The following ZNF354B variants were observed in gnomAD, a reference collection of about 807,000 sequenced individuals.
ZNF354B encodes zinc finger protein 354B.
ZNF354B carries 10 observed loss-of-function variants against 12.9 expected under a neutral mutation model. That is an observed-to-expected ratio of 0.77 (90% CI 0.48 to 1.31). ZNF354B has a LOEUF of 1.31. Among genes scored for constraint, ZNF354B ranks in the 40% most tolerant of loss-of-function variants. The pLI is 0.00. For missense variants in ZNF354B, 614 were observed against 711.7 expected (o/e 0.86, Z 1.56); for synonymous variants, 260 against 243.7 (o/e 1.07, Z -0.62).
In ZNF354B at chr5:178,861,037, A is replaced by G; in HGVS notation, c.-11A>G. On this transcript the variant is annotated 5_prime_UTR_variant, in exon 2 of 5. Transcript: ENST00000322434. ...ACTGCGCCGTCCTCCCGGGAGAGCCAGAAAGAGGACATGGCTGCTGGGCAG... is the reference window on the plus strand; with the variant it reads ...ACTGCGCCGTCCTCCCGGGAGAGCCGGAAAGAGGACATGGCTGCTGGGCAG... 2.7e-6 allele frequency: 3 copies of G among 1,117,306 alleles called. No individual in the cohort carries two copies. The highest frequency in any genetic ancestry group is 3.9e-6 in the Non-Finnish European group (3 of 765,150). The allele number at this position is 1,117,306 out of a possible 1,614,324, so 69.2% of individuals were successfully genotyped here.
In ZNF354B at chr5:178,866,083, A is replaced by G. The variant is rs140710037; in HGVS notation, c.34-161A>G. Among the ~76,000 whole-genome samples, 1,392 of 152,340 alleles carry G rather than the reference A, an allele frequency of 9.1e-3. 9 individuals are homozygous for G. Among genetic ancestry groups the G allele is most frequent in the Non-Finnish European group, 0.012 (843 of 68,036 alleles). ...AATCTCACTGTGTGCTGCTCAGTAT[A>G]CATTTGTTACTGGCCAATTATTCAT... On this transcript the variant is annotated intron_variant, in intron 2 of 4. Transcript: ENST00000322434.
intron 4 of ZNF354B, among the ~76,000 whole-genome samples, chr5:178,873,838 TGTGTTTA>T (rs1469625687): frequency 1.3e-5 from 2 of 152,234 alleles, no homozygotes; most frequent in Non-Finnish European, 2.9e-5. Context: ...ATCAATTTTC[TGTGTTTA>T]GTCTTCCAAT....
At chr5:178,874,212 C>T (rs1018032515) in intron 4 of ZNF354B, among the ~76,000 whole-genome samples, 7 of 152,182 alleles carry the variant, frequency 4.6e-5, no homozygotes, top group African/African-American at 1.7e-4. Context: ...CTGCCTCGAC[C>T]TTTCAGATTG....
At chr5:178,873,932 A>G (rs751107245) in intron 4 of ZNF354B, among the ~76,000 whole-genome samples, 1 of 147,538 alleles carries the variant, frequency 6.8e-6, no homozygotes, top group African/African-American at 2.5e-5. Flanking sequence ...TTTTCATCAT[A>G]TGAGTCCTCT....
intron 4 of ZNF354B, among the ~76,000 whole-genome samples, chr5:178,879,632 G>A (rs10059708): frequency 0.18 from 27,625 of 152,036 alleles, 2,789 homozygotes; most frequent in Non-Finnish European, 0.24. Context: ...GCCCGTCTCA[G>A]CCTCCCAAAG....
At chr5:178,864,009 A>G (rs1757405810) in intron 2 of ZNF354B, among the ~76,000 whole-genome samples, 1 of 152,232 alleles carries the variant, frequency 6.6e-6, no homozygotes, top group African/African-American at 2.4e-5. Context: ...AAAAAATTAA[A>G]AAGTTTAGAA....
At chr5:178,863,248 A>G (rs1261479097) in intron 2 of ZNF354B, among the ~76,000 whole-genome samples, 4 of 152,182 alleles carry the variant, frequency 2.6e-5, no homozygotes, top group Non-Finnish European at 5.9e-5. Context: ...ATACATATGT[A>G]TATGTGTGTG....
intron 2 of ZNF354B, among the ~76,000 whole-genome samples, chr5:178,862,117 C>A (rs2114004444): frequency 6.6e-6 from 1 of 152,286 alleles, no homozygotes; most frequent in Admixed American, 6.5e-5. Context: ...GAGTGTCTAG[C>A]ATACCAGGGA....
intron 2 of ZNF354B, among the ~76,000 whole-genome samples, chr5:178,861,535 C>G (rs957526614): frequency 6.6e-6 from 1 of 152,162 alleles, no homozygotes; most frequent in African/African-American, 2.4e-5. Flanking sequence ...GAATCATATT[C>G]TTTGCTTGTA....
At chr5:178,881,926 T>C (rs1394565324) in intron 4 of ZNF354B, among the ~76,000 whole-genome samples, 1 of 152,262 alleles carries the variant, frequency 6.6e-6, no homozygotes, top group African/African-American at 2.4e-5. Context: ...TTCTCTTTAC[T>C]CATATCTAAT....
Position 178,883,222 on chromosome 5 carries a change from T to C in ZNF354B, c.770T>C (p.Leu257Pro), listed in dbSNP as rs1757746705. 1 of 1,612,286 alleles carries C rather than the reference T, an allele frequency of 6.2e-7. No homozygotes were observed. Among genetic ancestry groups the C allele is most frequent in the Admixed American group, 1.7e-5 (1 of 59,658 alleles). ...AAAGCTTTCAGCCAAAGTTCTGCTCTTATTCAACATCAAAGAACTCATACA... is the reference window on the plus strand; with the variant it reads ...AAAGCTTTCAGCCAAAGTTCTGCTCCTATTCAACATCAAAGAACTCATACA... ...CLKAFSQSSALIQHQRTHTGE... is the reference protein window; with the variant it reads ...CLKAFSQSSAPIQHQRTHTGE... The change falls in exon 5 of 5, where the codon CTT becomes CCT. Residue 257 changes from leucine to proline, a missense_variant. Coordinates refer to ENST00000322434, the MANE Select transcript of ZNF354B (RefSeq NM_058230.3).
chr5:178,862,661 CCTG>C (rs1757378930), intron 2 of ZNF354B, among the ~76,000 whole-genome samples: 1 of 152,218 alleles, frequency 6.6e-6, no homozygotes. Flanking sequence ...AGCCGCCGCG[CCTG>C]GCGGCGTTAT....
At chr5:178,867,995 A>G (rs1757490666) in intron 4 of ZNF354B, among the ~76,000 whole-genome samples, 1 of 152,226 alleles carries the variant, frequency 6.6e-6, no homozygotes, top group African/African-American at 2.4e-5. Flanking sequence ...AATTGCAATC[A>G]TGGAGGGAGG....
chr5:178,882,304 G>A (rs6878353), intron 4 of ZNF354B, among the ~76,000 whole-genome samples: 22,567 of 152,134 alleles, frequency 0.15, 2,051 homozygotes, highest in African/African-American at 0.25. Flanking sequence ...GTTAACATTT[G>A]AACTGAGTCT....
At chr5:178,875,073 A>G (rs969358250) in intron 4 of ZNF354B, among the ~76,000 whole-genome samples, 5 of 152,068 alleles carry the variant, frequency 3.3e-5, no homozygotes, top group African/African-American at 4.8e-5. Context: ...GTAGGCTCTT[A>G]CTCAGCTATG....
intron 4 of ZNF354B, among the ~76,000 whole-genome samples, chr5:178,879,669 G>A (rs767184074): frequency 2.6e-5 from 4 of 152,142 alleles, no homozygotes; most frequent in Admixed American, 1.3e-4. Flanking sequence ...GTGAGCCGCC[G>A]TGCCTGGCCC....
intron 4 of ZNF354B, among the ~76,000 whole-genome samples, chr5:178,879,466 G>A (rs1182189775): frequency 6.6e-6 from 1 of 151,462 alleles, no homozygotes; most frequent in Non-Finnish European, 1.5e-5. Context: ...TGCAATCAAC[G>A]TTTCCTGGGT....
intron 4 of ZNF354B, among the ~76,000 whole-genome samples, chr5:178,874,407 A>G (rs1027357734): frequency 2.0e-5 from 3 of 152,084 alleles, no homozygotes; most frequent in Non-Finnish European, 2.9e-5. Flanking sequence ...TCTTTACATA[A>G]TCCCTTATTT....
chr5:178,869,062 G>T (rs1357449215), intron 4 of ZNF354B, among the ~76,000 whole-genome samples: 1 of 152,186 alleles, frequency 6.6e-6, no homozygotes, highest in East Asian at 1.9e-4. Flanking sequence ...AGAGAGCCGC[G>T]GGCCTTGTCA....
Sources: allele counts gnomAD v4.1 joint callset (sites outside exome capture counted in the v4.1 genomes callset), GRCh38; gene constraint gnomAD v4.1.1; transcripts MANE v1.5; gene names NCBI Gene and HGNC (gene_info 2026-07-23, HGNC 2026-07-21).